SLC15A3: variants seen among roughly 807,000 people sequenced by gnomAD.
SLC15A3 encodes the protein osteoclast transporter.
Under a neutral mutation model 49.2 loss-of-function variants are expected in SLC15A3, and 39 were observed. That is an observed-to-expected ratio of 0.79 (90% CI 0.61 to 1.04). SLC15A3 has a LOEUF of 1.04. Ranked by LOEUF, SLC15A3 falls within the 50% of genes least tolerant of loss-of-function variation. The pLI, the probability that SLC15A3 is intolerant of heterozygous loss-of-function variation, is 0.00. For missense variants in SLC15A3, 758 were observed against 794.8 expected (o/e 0.95, Z 0.56); for synonymous variants, 339 against 367.0 (o/e 0.92, Z 0.87).
intron 6 of SLC15A3, chr11:60,938,276 CCCT>C (rs1328706797): frequency 4.3e-6 from 2 of 468,420 alleles, no homozygotes. Context: ...GCTCTGTCTC[CCCT>C]CCTCCCCTTC....
chr11:60,951,051 T>C lies in SLC15A3; in HGVS notation c.501A>G (p.Leu167=), dbSNP rs1441284178. ...CAPVLYAGLL[L]LGLAASSVRS... ...GGACGGAGCTGGCGGCCAGGCCGAG[T>C]AGCAGCAGGCCCGCGTAGAGGACGG... is the stretch of plus-strand genomic sequence containing the variant. The change falls in exon 1 of 8, where the codon CTA becomes CTG. Residue 167 remains leucine, a synonymous_variant. Coordinates refer to ENST00000227880, the MANE Select transcript of SLC15A3 (RefSeq NM_016582.3). 2.7e-6 allele frequency: 4 copies of C among 1,495,610 alleles called. No homozygotes were observed. Among genetic ancestry groups the C allele is most frequent in the Middle Eastern group, 2.4e-4 (1 of 4,254 alleles). The allele number at this position is 1,495,610 out of a possible 1,614,324, so 92.6% of individuals were successfully genotyped here. A position where few individuals can be genotyped will look rare whatever the true frequency, so the allele number is the denominator to read the frequency against.
Position 60,951,604 on chromosome 11 carries a change from C to T in SLC15A3, c.-53G>A. On this transcript the variant is annotated 5_prime_UTR_variant, in exon 1 of 8. Coordinates refer to ENST00000227880, the MANE Select transcript of SLC15A3 (RefSeq NM_016582.3). Reference sequence around the variant, plus strand: ...CTCTTCTCTCCTCTCCTCTCCCCGCCTCAGAGCCCTGCACTCCTGCCCCCG... The same window carrying T: ...CTCTTCTCTCCTCTCCTCTCCCCGCTTCAGAGCCCTGCACTCCTGCCCCCG... 8.9e-7 allele frequency: 1 copy of T among 1,124,632 alleles called. No individual in the cohort carries two copies. The highest frequency in any genetic ancestry group is 1.1e-6 in the Non-Finnish European group (1 of 918,520). The allele number at this position is 1,124,632 out of a possible 1,614,324, so 69.7% of individuals were successfully genotyped here.
intron 7 of SLC15A3, 182 bp downstream of exon 7, chr11:60,937,684 GGAAA>G: frequency 1.3e-6 from 1 of 769,478 alleles, no homozygotes; most frequent in South Asian, 1.8e-5. Context: ...CAACACTTGG[GGAAA>G]GAAAGGCCCA....
chr11:60,941,109 C>T lies in SLC15A3; in HGVS notation c.1276+13G>A. The T allele has an allele frequency of 1.2e-6, 2 of 1,606,850 alleles. No homozygotes were observed. Among genetic ancestry groups the T allele is most frequent in the African/African-American group, 1.3e-5 (1 of 74,910 alleles). On this transcript the variant is annotated intron_variant, in intron 5 of 7. Coordinates refer to ENST00000227880, the MANE Select transcript of SLC15A3 (RefSeq NM_016582.3). ...CCAAAGTTCAGCCCCCTGCCCCACACCCCTCTGCACACCTGCCACAATGAC... is the reference window on the plus strand; with the variant it reads ...CCAAAGTTCAGCCCCCTGCCCCACATCCCTCTGCACACCTGCCACAATGAC...
chr11:60,942,280 A>C (rs962415827), intron 3 of SLC15A3, 135 bp from the exon 4 acceptor site: 10 of 673,708 alleles, frequency 1.5e-5, no homozygotes, highest in African/African-American at 7.2e-5. Flanking sequence ...GGAGATAGTC[A>C]CCTTCCCACC....
chr11:60,942,306 T>G, intron 3 of SLC15A3, 161 bp from the exon 4 acceptor site: 1 of 605,596 alleles, frequency 1.7e-6, no homozygotes, highest in Non-Finnish European at 3.0e-6. Context: ...TTCTCCTAGG[T>G]AGCTGGGCTG....
intron 5 of SLC15A3, chr11:60,940,859 A>C (rs1230222653): frequency 5.9e-6 from 2 of 341,040 alleles, no homozygotes; most frequent in African/African-American, 2.1e-5. Context: ...AAGAAAAACT[A>C]TCTCTGCCTT....
In SLC15A3 at chr11:60,951,684, GC is replaced by G; in HGVS notation, c.-134del. 1.5e-6 allele frequency: 1 copy of G among 657,582 alleles called. No homozygotes were observed. Among genetic ancestry groups the G allele is most frequent in the Non-Finnish European group, 1.9e-6 (1 of 520,464 alleles). The allele number at this position is 657,582 out of a possible 1,614,324, so 40.7% of individuals were successfully genotyped here. Reference sequence around the variant, plus strand: ...CTGGCCCTCCTTTCTCACCGCTTTGGCCCACCCTTCCCTCCTGTCCCCTCTC... The same window carrying G: ...CTGGCCCTCCTTTCTCACCGCTTTGGCCACCCTTCCCTCCTGTCCCCTCTC... On this transcript the variant is annotated 5_prime_UTR_variant, in exon 1 of 8. Coordinates refer to ENST00000227880, the MANE Select transcript of SLC15A3 (RefSeq NM_016582.3).
Position 60,946,737 on chromosome 11 carries a change from G to C in SLC15A3, c.643C>G (p.Leu215Val). The change falls in exon 2 of 8, where the codon CTG becomes GTG. Residue 215 changes from leucine (L) to valine (V), a missense_variant. By Grantham distance (32) the Leu-to-Val change is conservative. Transcript: ENST00000227880. ...SINLGAVLSL[L>V]VVAFIQQNIS... The stretch of plus-strand genomic sequence containing the variant: ...TTCTGCTGAATAAACGCCACCACCA[G>C]CAGCGACAGCACAGCACCCAGGTTG... The C allele has an allele frequency of 6.2e-7, 1 of 1,614,228 alleles. No homozygotes were observed. The highest frequency in any genetic ancestry group is 8.5e-7 in the Non-Finnish European group (1 of 1,180,040).
At position 60,946,591 on chromosome 11, in the gene SLC15A3, A is replaced by G. The variant is rs1278256463; in HGVS notation, c.789T>C (p.Ser263=). ...TKPPMGSQVS[S]MLKLALQNCC... is the part of the protein sequence containing the mutation. ...AGTTTTGGAGAGCGAGCTTAAGCATAGAGGACACTTGGCTGCCCATCGGGG... is the reference window on the plus strand; with the variant it reads ...AGTTTTGGAGAGCGAGCTTAAGCATGGAGGACACTTGGCTGCCCATCGGGG... The change falls in exon 2 of 8, where the codon TCT becomes TCC. Residue 263 remains serine (S), a synonymous_variant. Transcript: ENST00000227880. The G allele has an allele frequency of 1.9e-6, 3 of 1,611,378 alleles. No homozygotes were observed. The South Asian group carries it at 3.3e-5, about 18-fold the overall frequency.
intron 3 of SLC15A3, chr11:60,942,952 A>T (rs1453412451): frequency 2.5e-4 from 1 of 4,040 alleles, no homozygotes; most frequent in African/African-American, 2.7e-4. Flanking sequence ...ACACACACAC[A>T]CACACACACA....
chr11:60,949,843 G>A (rs1856882492), intron 1 of SLC15A3, among the ~76,000 whole-genome samples: 1 of 152,160 alleles, frequency 6.6e-6, no homozygotes, highest in African/African-American at 2.4e-5. Context: ...GTTTCCTTTC[G>A]TTGACACCTC....
At chr11:60,941,336 A>G (rs377672448) in intron 4 of SLC15A3, 46 bp from the exon 5 acceptor site, 16 of 1,572,456 alleles carry the variant, frequency 1.0e-5, no homozygotes, top group Non-Finnish European at 1.4e-5. Flanking sequence ...GAGTGCAAGG[A>G]GCCTGGCTGC....
intron 1 of SLC15A3, among the ~76,000 whole-genome samples, chr11:60,949,503 G>GAAAGAAAGAAAGA (rs1856864285): frequency 1.9e-4 from 12 of 64,722 alleles, no homozygotes; most frequent in African/African-American, 6.4e-4. Flanking sequence ...AAAGAAAGAA[G>GAAAGAAAGAAAGA]GAAAGAAAGA....
intron 1 of SLC15A3, among the ~76,000 whole-genome samples, chr11:60,950,393 T>C (rs1225432162): frequency 1.3e-5 from 2 of 152,220 alleles, no homozygotes; most frequent in African/African-American, 4.8e-5. Context: ...AGTGTCTTTC[T>C]CTGTAAAATG....
rs776812159 is a variant in SLC15A3, at chr11:60,937,314, C to A, written c.1651G>T (p.Val551Phe). 5 of 1,614,156 alleles carry A rather than the reference C, an allele frequency of 3.1e-6. No homozygotes were observed. Among genetic ancestry groups the A allele is most frequent in the Non-Finnish European group, 4.2e-6 (5 of 1,180,028 alleles). The part of the protein sequence containing the change: ...YFFLLAGIQA[V>F]TALLFVWIAG... ...ATCCAGACAAATAGGAGAGCCGTGA[C>A]GGCCTGAATGCCAGCCAGCAGGAAG... Residue 551 changes from valine (V) to phenylalanine (F), a missense_variant, in exon 8 of 8, where the codon GTC becomes TTC. By Grantham distance (50) the Val-to-Phe change is conservative. This residue lies in a region of SLC15A3 where 699 missense variants were observed against 706.7 expected (regional missense o/e 0.99). Transcript: ENST00000227880.
chr11:60,942,047 G>A lies in SLC15A3; in HGVS notation c.1095C>T (p.Gly365=), dbSNP rs2134927953. The change falls in exon 4 of 8, where the codon GGC becomes GGT. Residue 365 remains glycine, a synonymous_variant. Transcript: ENST00000227880. ...ANISVALRAQ[G]SSYTIPEAWL... ...CTTTATCTCTCACCGTGTAGCTGCT[G>A]CCCTGGGCTCTCAGGGCCACAGAGA... is the stretch of plus-strand genomic sequence containing the variant. 1 of 1,614,088 alleles carries A rather than the reference G, an allele frequency of 6.2e-7. No individual in the cohort carries two copies.
intron 3 of SLC15A3, 28 bp downstream of exon 3, chr11:60,943,661 C>T (rs772006538): frequency 1.3e-6 from 2 of 1,487,078 alleles, no homozygotes; most frequent in Non-Finnish European, 1.8e-6. Context: ...GAGCCAGGCC[C>T]CCAGAGAAAA....
chr11:60,949,552 GA>G (rs1252095135), intron 1 of SLC15A3, among the ~76,000 whole-genome samples: 2 of 76,968 alleles, frequency 2.6e-5, no homozygotes, highest in Non-Finnish European at 3.7e-5. Context: ...AAGAAAGAAA[GA>G]AAGAAAGAAA....
Sources: gnomAD v4.1 joint callset for allele counts (sites outside exome capture counted in the v4.1 genomes callset) on GRCh38, gnomAD v4.1.1 for gene constraint, gnomAD v4.1.1 regional missense constraint, MANE v1.5 for transcripts, NCBI Gene and HGNC (gene_info 2026-07-23, HGNC 2026-07-21) for gene names.